Variants in SYN3 observed in about 807,000 individuals in gnomAD.
SYN3 encodes the protein synapsin-3.
A neutral mutation model predicts 65.8 loss-of-function variants in SYN3; 35 were observed. That is an observed-to-expected ratio of 0.53 (90% confidence interval 0.41 to 0.70). The LOEUF (loss-of-function observed/expected upper bound fraction) is 0.70, where lower values mean the gene tolerates loss of function less well. Among genes scored for constraint, SYN3 ranks in the 30% least tolerant of loss-of-function variants. The pLI, the probability that SYN3 is intolerant of heterozygous loss-of-function variation, is 0.00. For synonymous variants in SYN3, 270 were observed against 292.9 expected (o/e 0.92, Z 0.80); for missense variants, 680 against 749.0 (o/e 0.91, Z 1.08).
chr22:32,723,911 C>T (rs1037548527), intron 6 of SYN3, among the ~76,000 whole-genome samples: 2 of 152,210 alleles, frequency 1.3e-5, no homozygotes, highest in African/African-American at 4.8e-5. Context: ...TGCTGCTGAC[C>T]GTACGTGGCC....
chr22:32,654,717 T>A (rs879761513), intron 6 of SYN3, among the ~76,000 whole-genome samples: 5 of 152,214 alleles, frequency 3.3e-5, no homozygotes, highest in African/African-American at 4.8e-5. Flanking sequence ...TGTCTGATGA[T>A]CTGTCATTGT....
At chr22:32,556,089 C>T (rs974772018) in intron 7 of SYN3, among the ~76,000 whole-genome samples, 1 of 152,088 alleles carries the variant, frequency 6.6e-6, no homozygotes, top group Non-Finnish European at 1.5e-5. Context: ...TTTATGGTGC[C>T]CATCTCAAGA....
At chr22:32,994,530 T>C (rs1335102413) in intron 2 of SYN3, among the ~76,000 whole-genome samples, 2 of 152,144 alleles carry the variant, frequency 1.3e-5, no homozygotes, top group Non-Finnish European at 2.9e-5. Flanking sequence ...GGGCCTGCCC[T>C]TGTTCAAGGA....
At chr22:32,699,654 T>C (rs1276061955) in intron 6 of SYN3, among the ~76,000 whole-genome samples, 1 of 152,170 alleles carries the variant, frequency 6.6e-6, no homozygotes, top group Admixed American at 6.5e-5. Flanking sequence ...ACAAAAAAGA[T>C]ACAAGATTCA....
rs532850159 is a variant in SYN3 at position 32,624,726 on chromosome 22, A to G, written c.712-27990T>C. Among the ~76,000 whole-genome samples the G allele has an allele frequency of 2.3e-4, 35 of 152,308 alleles. No homozygotes were observed. The South Asian group carries it at 3.5e-3, about 15-fold the overall frequency. On this transcript the variant is annotated intron_variant, in intron 6 of 13. Transcript: ENST00000358763. Reference sequence around the variant, plus strand: ...GTGGAAAGAGGCAAGGTCCACATCTAAAGTTCCCAGGTCTGGGCCCTGCCA... The same window carrying G: ...GTGGAAAGAGGCAAGGTCCACATCTGAAGTTCCCAGGTCTGGGCCCTGCCA...
At chr22:32,976,309 C>G (rs1359442008) in intron 3 of SYN3, among the ~76,000 whole-genome samples, 1 of 152,176 alleles carries the variant, frequency 6.6e-6, no homozygotes, top group Non-Finnish European at 1.5e-5. Context: ...TTTATACCTT[C>G]TCTTGCCTTT....
intron 9 of SYN3, among the ~76,000 whole-genome samples, chr22:32,534,807 G>A (rs2058136504): frequency 6.6e-6 from 1 of 152,150 alleles, no homozygotes; most frequent in Non-Finnish European, 1.5e-5. Flanking sequence ...TCTTAGAATG[G>A]AGTCTCATCT....
chr22:32,968,496 A>T (rs1361961314), intron 3 of SYN3, among the ~76,000 whole-genome samples: 2 of 152,222 alleles, frequency 1.3e-5, no homozygotes, highest in African/African-American at 2.4e-5. Flanking sequence ...CCTCTAGGAC[A>T]CAATTCTTAG....
chr22:32,735,518 T>C (rs1394070097), intron 6 of SYN3, among the ~76,000 whole-genome samples: 1 of 150,324 alleles, frequency 6.7e-6, no homozygotes, highest in Middle Eastern at 3.2e-3. Flanking sequence ...TTTGTTTGTT[T>C]TGTTTTTTGT....
At chr22:32,901,953 C>T (rs1211205177) in intron 4 of SYN3, among the ~76,000 whole-genome samples, 2 of 152,234 alleles carry the variant, frequency 1.3e-5, no homozygotes, top group Admixed American at 1.3e-4. Flanking sequence ...CATCTCTGTT[C>T]TTCTGAGGAG....
At chr22:32,675,156 A>G (rs2060422529) in intron 6 of SYN3, among the ~76,000 whole-genome samples, 3 of 152,206 alleles carry the variant, frequency 2.0e-5, no homozygotes, top group African/African-American at 7.2e-5. Context: ...GGAGGCCTCT[A>G]GGCTTGGTAA....
chr22:32,710,263 G>T (rs898361682), intron 6 of SYN3, among the ~76,000 whole-genome samples: 5 of 151,498 alleles, frequency 3.3e-5, no homozygotes, highest in African/African-American at 1.2e-4. Flanking sequence ...GATCATGGAG[G>T]TGGTTCCTCA....
chr22:33,043,286 G>A (rs1281491017), intron 1 of SYN3, among the ~76,000 whole-genome samples: 2 of 152,214 alleles, frequency 1.3e-5, no homozygotes, highest in Admixed American at 6.5e-5. Context: ...AGTGGCTCAC[G>A]CCTATAATCC....
intron 7 of SYN3, among the ~76,000 whole-genome samples, chr22:32,573,181 T>C (rs11089577): frequency 0.15 from 22,140 of 152,208 alleles, 1,869 homozygotes; most frequent in East Asian, 0.27. Flanking sequence ...AGACAGTTTA[T>C]GACTGTTTTC....
chr22:32,664,653 C>T (rs1291217527), intron 6 of SYN3, among the ~76,000 whole-genome samples: 25 of 129,384 alleles, frequency 1.9e-4, no homozygotes, highest in East Asian at 7.4e-4. Flanking sequence ...TGCAGTGGTG[C>T]GATCTCGGCT....
intron 6 of SYN3, among the ~76,000 whole-genome samples, chr22:32,799,122 G>C (rs2046500930): frequency 6.6e-6 from 1 of 152,156 alleles, no homozygotes; most frequent in South Asian, 2.1e-4. Flanking sequence ...GCCTGCTGAA[G>C]GGGGTGACCC....
intron 6 of SYN3, among the ~76,000 whole-genome samples, chr22:32,711,159 T>C (rs2060960149): frequency 6.6e-6 from 1 of 152,172 alleles, no homozygotes; most frequent in Non-Finnish European, 1.5e-5. Flanking sequence ...CAAACTGGAA[T>C]GGGTTGGTCA....
intron 4 of SYN3, among the ~76,000 whole-genome samples, chr22:32,877,162 G>A (rs185678838): frequency 2.0e-5 from 3 of 152,240 alleles, no homozygotes; most frequent in Admixed American, 6.5e-5. Flanking sequence ...CAATTGCTCC[G>A]AGGTCACTTC....
intron 6 of SYN3, among the ~76,000 whole-genome samples, chr22:32,640,719 T>C (rs2059884063): frequency 6.6e-6 from 1 of 151,984 alleles, no homozygotes; most frequent in Admixed American, 6.6e-5. Context: ...ACAAAAAAAT[T>C]AGCCGGGCGT....
Sources: gnomAD v4.1 joint callset for allele counts (sites outside exome capture counted in the v4.1 genomes callset) on GRCh38, gnomAD v4.1.1 for gene constraint, MANE v1.5 for transcripts, NCBI Gene and HGNC (gene_info 2026-07-23, HGNC 2026-07-21) for gene names.